The following LRP5 variants were observed in gnomAD, a reference collection of about 807,000 sequenced individuals.
LRP5 encodes LDL receptor related protein 5, also known as low-density lipoprotein receptor-related protein 5.
LRP5 carries 62 observed loss-of-function variants against 154.1 expected under a neutral mutation model. The ratio of observed to expected loss-of-function variants is 0.40; its 90% CI spans 0.33 to 0.50. The LOEUF is 0.50. LRP5 is among the 20% of genes least tolerant of loss of function. The pLI, the probability that LRP5 is intolerant of heterozygous loss-of-function variation, is 0.55. For synonymous variants in LRP5, 966 were observed against 1,011.5 expected, an observed-to-expected ratio of 0.96 and a Z score of 0.85; for missense variants, 1,915 against 2,336.7, an observed-to-expected ratio of 0.82 and a Z score of 3.72.
In LRP5 at chr11:68,365,473, G is replaced by A. The variant is rs1161244287; in HGVS notation, c.884-98G>A. 1.6e-5 allele frequency: 25 copies of A among 1,573,548 alleles called. No individual in the cohort carries two copies. In the East Asian group the frequency reaches 4.9e-4, roughly 31 times the overall value. ...CGATGTTTGGGCAGAGGGACACACT[G>A]GAGGCTGTCACGGGGGACGAGGCAG... is the stretch of plus-strand genomic sequence containing the variant. On this transcript the variant is annotated intron_variant, in intron 4 of 22. Coordinates refer to ENST00000294304, the MANE Select transcript of LRP5 (RefSeq NM_002335.4).
intron 2 of LRP5, among the ~76,000 whole-genome samples, chr11:68,351,251 C>G (rs1001169489): frequency 6.6e-6 from 1 of 152,088 alleles, no homozygotes; most frequent in Admixed American, 6.5e-5. Flanking sequence ...CCTGGAGCCC[C>G]TCGTATGCCC....
intron 5 of LRP5, among the ~76,000 whole-genome samples, chr11:68,381,193 A>T (rs1042349506): frequency 6.6e-6 from 1 of 152,178 alleles, no homozygotes; most frequent in African/African-American, 2.4e-5. Context: ...GCCAGGAAGG[A>T]TCCTGCCCTG....
chr11:68,443,832 A>G (rs561836745), intron 21 of LRP5, among the ~76,000 whole-genome samples: 2 of 150,622 alleles, frequency 1.3e-5, no homozygotes, highest in African/African-American at 4.9e-5. Context: ...CTAATTTTGT[A>G]CTTTTAGTAG....
chr11:68,397,870 AC>A (rs757674105), intron 7 of LRP5, among the ~76,000 whole-genome samples: 1 of 151,944 alleles, frequency 6.6e-6, no homozygotes, highest in Non-Finnish European at 1.5e-5. Context: ...GACATCACTT[AC>A]AGCGGGAGTG....
intron 3 of LRP5, among the ~76,000 whole-genome samples, chr11:68,359,770 C>CT (rs1017259399): frequency 1.3e-4 from 20 of 148,596 alleles, no homozygotes; most frequent in Non-Finnish European, 8.9e-5. Context: ...GCCTTGACCT[C>CT]TTTTTTTGTT....
At chr11:68,427,785 G>A (rs2098669579) in intron 16 of LRP5, among the ~76,000 whole-genome samples, 1 of 152,016 alleles carries the variant, frequency 6.6e-6, no homozygotes, top group Non-Finnish European at 1.5e-5. Context: ...AATTTTTCTG[G>A]GTGGGGCAGG....
chr11:68,383,111 C>T (rs960222672), intron 5 of LRP5, among the ~76,000 whole-genome samples: 1 of 152,150 alleles, frequency 6.6e-6, no homozygotes, highest in African/African-American at 2.4e-5. Context: ...CTCCTGACCT[C>T]AGGTGATCCA....
intron 5 of LRP5, among the ~76,000 whole-genome samples, chr11:68,379,909 A>G (rs963702598): frequency 2.6e-5 from 4 of 152,202 alleles, no homozygotes; most frequent in Admixed American, 2.6e-4. Flanking sequence ...AGGCAGGCAG[A>G]TCACCTGAGG....
At chr11:68,378,981 AG>A (rs1224371685) in intron 5 of LRP5, among the ~76,000 whole-genome samples, 1 of 151,948 alleles carries the variant, frequency 6.6e-6, no homozygotes, top group African/African-American at 2.4e-5. Context: ...CAGGAGACAG[AG>A]GTTGCAGTGA....
At chr11:68,328,954 T>C (rs1230568979) in intron 1 of LRP5, among the ~76,000 whole-genome samples, 1 of 152,186 alleles carries the variant, frequency 6.6e-6, no homozygotes, top group Non-Finnish European at 1.5e-5. Context: ...CTTTGTGACT[T>C]GAGACTGCGT....
chr11:68,442,935 A>G (rs1305210763), intron 21 of LRP5, among the ~76,000 whole-genome samples: 2 of 152,114 alleles, frequency 1.3e-5, no homozygotes, highest in Non-Finnish European at 2.9e-5. Context: ...TGGTGGCTGA[A>G]CAGCACTCCT....
intron 9 of LRP5, among the ~76,000 whole-genome samples, chr11:68,408,603 C>T (rs575314769): frequency 7.9e-5 from 12 of 152,224 alleles, no homozygotes; most frequent in Admixed American, 2.6e-4. Flanking sequence ...TCATATGCTA[C>T]GCAGAATTCT....
chr11:68,439,678 T>G, intron 20 of LRP5, 99 bp from the exon 21 acceptor site: 1 of 1,289,054 alleles, frequency 7.8e-7, no homozygotes, highest in Non-Finnish European at 1.1e-6. Context: ...CTGGTCTGAG[T>G]CTCGTGGGTA....
intron 20 of LRP5, 49 bp downstream of exon 20, chr11:68,438,731 C>T: frequency 6.4e-7 from 1 of 1,562,138 alleles, no homozygotes; most frequent in South Asian, 1.1e-5. Context: ...GGAGAGTAGT[C>T]TGGGCAGCTT....
At chr11:68,368,572 C>G (rs1380646081) in intron 5 of LRP5, among the ~76,000 whole-genome samples, 1 of 152,212 alleles carries the variant, frequency 6.6e-6, no homozygotes, top group Non-Finnish European at 1.5e-5. Flanking sequence ...GCGGTCCCCG[C>G]AAATTCTGTA....
chr11:68,326,732 C>T (rs962825845), intron 1 of LRP5, among the ~76,000 whole-genome samples: 23 of 152,236 alleles, frequency 1.5e-4, no homozygotes, highest in African/African-American at 5.3e-4. Flanking sequence ...CCTGGCCCTC[C>T]AGCTGTGAGC....
chr11:68,348,546 G>T lies in LRP5; in HGVS notation c.488+303G>T, dbSNP rs190653966. Among the ~76,000 whole-genome samples the T allele has an allele frequency of 8.2e-4, 119 of 144,394 alleles. 4 individuals are homozygous for T. The Middle Eastern group carries it at 0.011, about 13-fold the overall frequency. The allele number at this position is 144,394 out of a possible 152,430, so 94.7% of individuals were successfully genotyped here. ...GGTGCGACTCTGAAAATGAACTCGT[G>T]GGGGGGTTGGTTCAGGCCTGTAACC... On this transcript the variant is annotated intron_variant, in intron 2 of 22. Transcript: ENST00000294304.
rs147637431 is a variant in LRP5 at position 68,433,828 on chromosome 11, G to A, written c.3990G>A (p.Ala1330=). Residue 1330 remains alanine (A), a synonymous_variant, in exon 18 of 23, where the codon GCG becomes GCA. Coordinates refer to ENST00000294304, the MANE Select transcript of LRP5 (RefSeq NM_002335.4). ...ACTGTCAGGACCGCTCAGACGAGGC[G>A]GACTGTGACGGTGAGGCCCTCCCCG... ...EADCQDRSDE[A]DCDAICLPNQ... 3.0e-4 allele frequency: 477 copies of A among 1,612,212 alleles called. 2 individuals carry two copies. Among genetic ancestry groups the A allele is most frequent in the African/African-American group, 2.9e-3 (216 of 75,044 alleles).
chr11:68,448,946 C>A lies in LRP5; in HGVS notation c.4724C>A (p.Pro1575His), dbSNP rs1263347673. 6.2e-7 allele frequency: 1 copy of A among 1,613,252 alleles called. No homozygotes were observed. Among genetic ancestry groups the A allele is most frequent in the Non-Finnish European group, 8.5e-7 (1 of 1,179,980 alleles). ...DLNSDSDPYP[P>H]PPTPHSQYLS... is the part of the protein sequence containing the mutation. Reference sequence around the variant, plus strand: ...AACTCGGACTCAGACCCCTATCCACCCCCACCCACGCCCCACAGCCAGTAC... The same window carrying A: ...AACTCGGACTCAGACCCCTATCCACACCCACCCACGCCCCACAGCCAGTAC... Residue 1575 changes from proline (P) to histidine (H), a missense_variant, in exon 23 of 23, where the codon CCC becomes CAC. By Grantham distance (77) the Pro-to-His change is moderately conservative (BLOSUM62 -2). This residue lies in a region of LRP5 where 1,094 missense variants were observed against 1,210.1 expected (regional missense o/e 0.90). Coordinates refer to ENST00000294304, the MANE Select transcript of LRP5 (RefSeq NM_002335.4).
Sources: allele counts gnomAD v4.1 joint callset (sites outside exome capture counted in the v4.1 genomes callset), GRCh38; gene constraint gnomAD v4.1.1; regional missense constraint gnomAD v4.1.1; transcripts MANE v1.5; gene names NCBI Gene and HGNC (gene_info 2026-07-23, HGNC 2026-07-21).